The following CADM2 variants were observed in gnomAD, a reference collection of about 807,000 sequenced individuals.
CADM2 encodes the protein cell adhesion molecule 2, also known as immunoglobulin superfamily member 4D.
CADM2 carries 12 observed loss-of-function variants against 49.8 expected under a neutral mutation model. The ratio of observed to expected loss-of-function variants is 0.24; its 90% CI spans 0.15 to 0.39. The LOEUF (loss-of-function observed/expected upper bound fraction) is 0.39. Among genes scored for constraint, CADM2 ranks in the 10% least tolerant of loss-of-function variants. CADM2 has a pLI of 1.00. For missense variants in CADM2, 378 were observed against 492.3 expected, an observed-to-expected ratio of 0.77 and a Z score of 2.20; for synonymous variants, 214 against 175.4, an observed-to-expected ratio of 1.22 and a Z score of -1.74.
chr3:85,798,299 T>G (rs2071753687), intron 2 of CADM2, among the ~76,000 whole-genome samples: 1 of 152,136 alleles, frequency 6.6e-6, no homozygotes. Flanking sequence ...AATTTTGGCT[T>G]TTGTTGCAAT....
intron 1 of CADM2, among the ~76,000 whole-genome samples, chr3:85,568,431 C>G (rs1350370735): frequency 7.0e-5 from 2 of 28,442 alleles, no homozygotes; most frequent in African/African-American, 2.3e-4. Flanking sequence ...TTCTTTCTTT[C>G]TTTCTTTCTT....
intron 1 of CADM2, among the ~76,000 whole-genome samples, chr3:85,281,309 A>G (rs1354348078): frequency 2.0e-5 from 3 of 151,956 alleles, no homozygotes; most frequent in African/African-American, 7.2e-5. Context: ...AAAAAGAAAC[A>G]TGCAAAAATG....
At chr3:85,316,170 T>A (rs1336394550) in intron 1 of CADM2, among the ~76,000 whole-genome samples, 2 of 152,210 alleles carry the variant, frequency 1.3e-5, no homozygotes, top group Non-Finnish European at 2.9e-5. Flanking sequence ...TGGAAGTCAG[T>A]TTCACCATCT....
chr3:85,700,953 A>AT (rs1392581444), intron 1 of CADM2, among the ~76,000 whole-genome samples: 3 of 152,208 alleles, frequency 2.0e-5, no homozygotes, highest in South Asian at 2.1e-4. Context: ...TCTCAGTAAC[A>AT]TTTTTTCTGT....
chr3:85,027,149 C>T (rs1343765106), intron 1 of CADM2, among the ~76,000 whole-genome samples: 1 of 106,250 alleles, frequency 9.4e-6, no homozygotes, highest in Non-Finnish European at 1.7e-5. Flanking sequence ...GAGTCTCGCT[C>T]TTTCACCCAG....
At chr3:85,398,156 C>T (rs1028879570) in intron 1 of CADM2, among the ~76,000 whole-genome samples, 66 of 152,202 alleles carry the variant, frequency 4.3e-4, no homozygotes, top group Non-Finnish European at 8.5e-4. Context: ...TCCCTCCCCC[C>T]TTCCCCCACC....
At chr3:85,519,759 G>T (rs944469876) in intron 1 of CADM2, among the ~76,000 whole-genome samples, 1 of 152,022 alleles carries the variant, frequency 6.6e-6, no homozygotes, top group Admixed American at 6.6e-5. Flanking sequence ...AAGTAAACCC[G>T]CAGCTACATT....
intron 3 of CADM2, among the ~76,000 whole-genome samples, chr3:85,864,006 G>A (rs536383258): frequency 4.9e-4 from 74 of 152,130 alleles, no homozygotes; most frequent in Non-Finnish European, 9.6e-4. Context: ...AAAACGTGAA[G>A]AGCACACCCA....
chr3:85,980,516 A>G (rs1269070653), intron 8 of CADM2, among the ~76,000 whole-genome samples: 1 of 151,610 alleles, frequency 6.6e-6, no homozygotes, highest in Non-Finnish European at 1.5e-5. Context: ...AATTTCTCAG[A>G]AATAGCTAGG....
intron 8 of CADM2, among the ~76,000 whole-genome samples, chr3:86,018,850 T>G (rs1732706343): frequency 6.6e-6 from 1 of 151,294 alleles, no homozygotes; most frequent in African/African-American, 2.4e-5. Context: ...TGATGGTAGT[T>G]TCTTTTGCTG....
chr3:85,048,996 TAATG>T (rs1015399551), intron 1 of CADM2, among the ~76,000 whole-genome samples: 2 of 151,702 alleles, frequency 1.3e-5, no homozygotes, highest in African/African-American at 2.4e-5. Context: ...AGGGGAAAAA[TAATG>T]GATGGTAGGA....
chr3:85,283,827 C>T (rs1426498375), intron 1 of CADM2, among the ~76,000 whole-genome samples: 4 of 152,034 alleles, frequency 2.6e-5, no homozygotes, highest in African/African-American at 9.7e-5. Flanking sequence ...TTGAGGAATA[C>T]CAAGTATAAT....
At chr3:85,395,344 A>G (rs1430808753) in intron 1 of CADM2, among the ~76,000 whole-genome samples, 1 of 151,404 alleles carries the variant, frequency 6.6e-6, no homozygotes, top group African/African-American at 2.4e-5. Context: ...GTATATGTAT[A>G]GAAAAACATA....
At chr3:85,315,506 A>C (rs2044445290) in intron 1 of CADM2, among the ~76,000 whole-genome samples, 1 of 152,190 alleles carries the variant, frequency 6.6e-6, no homozygotes, top group African/African-American at 2.4e-5. Flanking sequence ...TAAGCATAAA[A>C]AAAACTGGTA....
intron 1 of CADM2, among the ~76,000 whole-genome samples, chr3:85,173,860 T>C (rs2040702893): frequency 6.6e-6 from 1 of 152,140 alleles, no homozygotes; most frequent in Admixed American, 6.5e-5. Flanking sequence ...ATATTTTGTT[T>C]ATGTCTAAAT....
intron 1 of CADM2, among the ~76,000 whole-genome samples, chr3:85,559,655 AACACACAC>A (rs144677158): frequency 0.02 from 2,182 of 111,064 alleles, 60 homozygotes; most frequent in African/African-American, 0.059. Flanking sequence ...ATTTAAAAGA[AACACACAC>A]ACACACACAC....
chr3:85,109,507 C>A (rs1394125682), intron 1 of CADM2, among the ~76,000 whole-genome samples: 1 of 151,800 alleles, frequency 6.6e-6, no homozygotes, highest in Non-Finnish European at 1.5e-5. Flanking sequence ...GCCATGAACT[C>A]ATTTAAATGG....
chr3:85,098,894 G>A (rs150864031), intron 1 of CADM2, among the ~76,000 whole-genome samples: 203 of 152,278 alleles, frequency 1.3e-3, no homozygotes, highest in South Asian at 4.4e-3. Flanking sequence ...TTTTGAAACA[G>A]TTTCCTACAC....
At chr3:84,974,728 C>T (rs1449418437) in intron 1 of CADM2, among the ~76,000 whole-genome samples, 1 of 151,890 alleles carries the variant, frequency 6.6e-6, no homozygotes, top group Non-Finnish European at 1.5e-5. Context: ...TATTTTTGTA[C>T]AGTAGATAAA....
Sources: gnomAD v4.1 joint callset for allele counts (sites outside exome capture counted in the v4.1 genomes callset) on GRCh38, gnomAD v4.1.1 for gene constraint, MANE v1.5 for transcripts, NCBI Gene and HGNC (gene_info 2026-07-23, HGNC 2026-07-21) for gene names.